Variants in RUVBL1 observed in about 807,000 individuals in gnomAD.
RUVBL1 encodes ruvB-like 1.
A neutral mutation model predicts 52.4 loss-of-function variants in RUVBL1; 4 were observed. The ratio of observed to expected loss-of-function variants is 0.08; its 90% CI spans 0.04 to 0.17. The LOEUF (loss-of-function observed/expected upper bound fraction) is 0.17. Ranked by LOEUF, RUVBL1 falls within the 10% of genes least tolerant of loss-of-function variation. The probability of loss-of-function intolerance (pLI) is 1.00; values close to 1 mark genes in which losing one functional copy is unlikely to be tolerated. For missense variants in RUVBL1, 298 were observed against 572.8 expected (o/e 0.52, Z 4.90); for synonymous variants, 217 against 214.4 (o/e 1.01, Z -0.10).
exon 10 of RUVBL1, chr3:128,065,136 A>T: frequency 7.8e-7 from 1 of 1,277,132 alleles, no homozygotes; most frequent in Non-Finnish European, 1.1e-6. Flanking sequence ...CACTGTCATC[A>T]TATTGTGTTG....
At chr3:128,145,894 C>A (rs1287351050) in intron 1 of RUVBL1, among the ~76,000 whole-genome samples, 1 of 152,110 alleles carries the variant, frequency 6.6e-6, no homozygotes, top group Non-Finnish European at 1.5e-5. Flanking sequence ...AACCTGTTCC[C>A]CTCCCTGGAG....
exon 1 of RUVBL1, chr3:128,153,578 C>T (rs755568732): frequency 1.3e-6 from 2 of 1,554,098 alleles, no homozygotes; most frequent in African/African-American, 2.8e-5. Flanking sequence ...ACGGCGCTGG[C>T]GCGGGCGCTA....
chr3:128,113,933 C>T (rs1943456853), intron 2 of RUVBL1, among the ~76,000 whole-genome samples: 1 of 152,160 alleles, frequency 6.6e-6, no homozygotes, highest in African/African-American at 2.4e-5. Flanking sequence ...TTATGTAGCC[C>T]ACAAAGAGTG....
chr3:128,090,741 T>C (rs574302045), intron 8 of RUVBL1, among the ~76,000 whole-genome samples: 1 of 152,334 alleles, frequency 6.6e-6, no homozygotes, highest in East Asian at 1.9e-4. Flanking sequence ...AAAACTACAT[T>C]TAATTTTTAG....
At chr3:128,114,061 A>C (rs1943459104) in intron 2 of RUVBL1, among the ~76,000 whole-genome samples, 2 of 152,254 alleles carry the variant, frequency 1.3e-5, no homozygotes, top group African/African-American at 4.8e-5. Context: ...CAGCTGGCAA[A>C]TGCTAAACAG....
downstream of RUVBL1, among the ~76,000 whole-genome samples, chr3:128,079,518 T>C (rs1942414307): frequency 6.6e-6 from 1 of 152,194 alleles, no homozygotes. Flanking sequence ...AATAAGCTCT[T>C]GCTGCATCTC....
At chr3:128,125,420 G>A (rs1267800525), upstream of RUVBL1, among the ~76,000 whole-genome samples, 2 of 151,938 alleles carry the variant, frequency 1.3e-5, no homozygotes, top group Non-Finnish European at 2.9e-5. Flanking sequence ...CATAATTACT[G>A]GGTCAATGTT....
upstream of RUVBL1, among the ~76,000 whole-genome samples, chr3:128,127,976 G>A (rs1576482395): frequency 6.6e-6 from 1 of 152,018 alleles, no homozygotes; most frequent in Admixed American, 6.6e-5. Context: ...CAGCCTGGGC[G>A]ACAGAGTGAG....
At chr3:128,071,569 G>A (rs983719418) in intron 9 of RUVBL1, 1 of 152,734 alleles carries the variant, frequency 6.5e-6, no homozygotes, top group African/African-American at 2.4e-5. Flanking sequence ...TGATGGTCAC[G>A]GTGGGTGGGT....
intron 8 of RUVBL1, among the ~76,000 whole-genome samples, chr3:128,088,271 G>A (rs6439112): frequency 0.86 from 126,749 of 147,220 alleles, 54,543 homozygotes; most frequent in African/African-American, 0.92. Flanking sequence ...CAAAAAGAAA[G>A]AAAAAAAAAA....
chr3:128,145,217 T>A (rs1218325638), intron 1 of RUVBL1, among the ~76,000 whole-genome samples: 5 of 152,232 alleles, frequency 3.3e-5, no homozygotes, highest in African/African-American at 1.2e-4. Flanking sequence ...CCAATTCATA[T>A]AATCATCATT....
At chr3:128,123,502 G>A in intron 1 of RUVBL1, 82 bp downstream of exon 1, 3 of 1,382,252 alleles carry the variant, frequency 2.2e-6, no homozygotes, top group Non-Finnish European at 2.9e-6. Context: ...CGCGCATCCC[G>A]CCCCGAGCCA....
chr3:128,087,085 C>G (rs1942664603), intron 9 of RUVBL1, among the ~76,000 whole-genome samples: 1 of 152,270 alleles, frequency 6.6e-6, no homozygotes. Context: ...TGGCAGAAGC[C>G]CTCAAGGACT....
At chr3:128,128,715 C>T (rs188079215), upstream of RUVBL1, among the ~76,000 whole-genome samples, 117 of 152,262 alleles carry the variant, frequency 7.7e-4, no homozygotes, top group Middle Eastern at 0.01. Context: ...TGGATATGTG[C>T]CCAGTTAAAA....
chr3:128,110,036 C>T (rs1473093760), intron 3 of RUVBL1, among the ~76,000 whole-genome samples: 2 of 151,880 alleles, frequency 1.3e-5, no homozygotes, highest in Non-Finnish European at 2.9e-5. Flanking sequence ...AGCCTGGTCT[C>T]GAACTCCTGA....
Position 128,123,763 on chromosome 3 carries a change from A to G in RUVBL1, c.-39T>C. 2 of 1,580,212 alleles carry G rather than the reference A, an allele frequency of 1.3e-6. No homozygotes were observed. Reference sequence around the variant, plus strand: ...GGAGCTAAAACCAGCGTGGAAAACCAGCAGCTAGGACAGTGCGCCCGGCGC... The same window carrying G: ...GGAGCTAAAACCAGCGTGGAAAACCGGCAGCTAGGACAGTGCGCCCGGCGC... On this transcript the variant is annotated 5_prime_UTR_variant, in exon 1 of 11. Transcript: ENST00000322623.
chr3:128,115,568 G>A lies in RUVBL1; in HGVS notation c.229-2548C>T, dbSNP rs183058169. Among the ~76,000 whole-genome samples, 55 of 152,232 alleles carry A rather than the reference G, an allele frequency of 3.6e-4. 1 individual carries two copies. In the East Asian group the frequency reaches 8.5e-3, roughly 23 times the overall value. On this transcript the variant is annotated intron_variant, in intron 2 of 10. Transcript: ENST00000322623. ...CCTTCATACACATTGGAAGGGAGTG[G>A]ACAAACTTATAAGGTAATACCACAG...
chr3:128,150,560 T>C (rs1944170322), intron 1 of RUVBL1, among the ~76,000 whole-genome samples: 1 of 145,222 alleles, frequency 6.9e-6, no homozygotes. Flanking sequence ...TATGTATATA[T>C]GTATATTCCA....
At chr3:128,079,675 G>C (rs1942418723), downstream of RUVBL1, among the ~76,000 whole-genome samples, 1 of 152,218 alleles carries the variant, frequency 6.6e-6, no homozygotes, top group Non-Finnish European at 1.5e-5. Flanking sequence ...GTCTCCTCAG[G>C]GGCCAGGCCG....
Sources: allele counts gnomAD v4.1 joint callset (sites outside exome capture counted in the v4.1 genomes callset), GRCh38; gene constraint gnomAD v4.1.1; transcripts MANE v1.5; gene names NCBI Gene and HGNC (gene_info 2026-07-23, HGNC 2026-07-21).